Variants in CNTN5 observed in about 807,000 individuals in gnomAD.
CNTN5 encodes the protein contactin-5.
Under a neutral mutation model 129.1 loss-of-function variants are expected in CNTN5, and 77 were observed. That is an observed-to-expected ratio of 0.60 (90% CI 0.50 to 0.72). The LOEUF (loss-of-function observed/expected upper bound fraction) is 0.72. Among genes scored for constraint, CNTN5 ranks in the 30% least tolerant of loss-of-function variants. CNTN5 has a pLI of 0.00. For synonymous variants in CNTN5, 509 were observed against 465.6 expected (o/e 1.09, Z -1.20); for missense variants, 1,478 against 1,328.8 (o/e 1.11, Z -1.75).
At chr11:99,309,209 G>A (rs1227366973) in intron 1 of CNTN5, among the ~76,000 whole-genome samples, 1 of 144,904 alleles carries the variant, frequency 6.9e-6, no homozygotes. Flanking sequence ...GGGTGGTTTT[G>A]TTTTTGCTAT....
At chr11:99,706,640 C>G (rs1954767346) in intron 3 of CNTN5, among the ~76,000 whole-genome samples, 1 of 151,324 alleles carries the variant, frequency 6.6e-6, no homozygotes, top group South Asian at 2.1e-4. Flanking sequence ...AACTATTTTT[C>G]TCTCTTGGGT....
At chr11:100,120,266 T>C (rs1318325127) in intron 13 of CNTN5, among the ~76,000 whole-genome samples, 5 of 152,000 alleles carry the variant, frequency 3.3e-5, no homozygotes, top group African/African-American at 7.2e-5. Context: ...TTTATACATA[T>C]TGACAAATTG....
chr11:99,548,209 TTCTC>T (rs1948365003), intron 2 of CNTN5, among the ~76,000 whole-genome samples: 1 of 152,202 alleles, frequency 6.6e-6, no homozygotes, highest in Non-Finnish European at 1.5e-5. Flanking sequence ...AAAGAGGTAT[TTCTC>T]TCCTGTCCTT....
intron 23 of CNTN5, among the ~76,000 whole-genome samples, chr11:100,346,027 C>T (rs1033499681): frequency 5.9e-5 from 9 of 152,110 alleles, no homozygotes; most frequent in African/African-American, 9.7e-5. Flanking sequence ...GGTCAATAAA[C>T]ATGTGCCACT....
At chr11:100,006,605 G>T (rs75234082) in intron 9 of CNTN5, among the ~76,000 whole-genome samples, 3 of 152,084 alleles carry the variant, frequency 2.0e-5, no homozygotes, top group Non-Finnish European at 2.9e-5. Context: ...ACATCTTCCT[G>T]TTCCACTTCT....
At chr11:99,745,635 G>A (rs1944030388) in intron 3 of CNTN5, among the ~76,000 whole-genome samples, 1 of 152,068 alleles carries the variant, frequency 6.6e-6, no homozygotes, top group Non-Finnish European at 1.5e-5. Context: ...TTTTACTACT[G>A]TGGATCCCAA....
intron 3 of CNTN5, among the ~76,000 whole-genome samples, chr11:99,618,929 A>G (rs1950843094): frequency 6.6e-6 from 1 of 152,142 alleles, no homozygotes; most frequent in African/African-American, 2.4e-5. Flanking sequence ...TGGCTAACCC[A>G]GCCATAATGC....
intron 13 of CNTN5, among the ~76,000 whole-genome samples, chr11:100,094,778 A>AAGGAAGGG (rs1311384309): frequency 8.1e-6 from 1 of 124,146 alleles, no homozygotes; most frequent in Non-Finnish European, 1.5e-5. Flanking sequence ...GGAAGGAAGG[A>AAGGAAGGG]AGGAAGGAAG....
intron 2 of CNTN5, among the ~76,000 whole-genome samples, chr11:99,358,120 G>C (rs1215932577): frequency 1.4e-5 from 2 of 142,076 alleles, no homozygotes; most frequent in African/African-American, 2.6e-5. Context: ...ACAGAGTCTC[G>C]CTCTGTCGCC....
chr11:99,806,816 C>CAAA (rs34469797), intron 3 of CNTN5, among the ~76,000 whole-genome samples: 1,676 of 128,702 alleles, frequency 0.013, 14 homozygotes, highest in Non-Finnish European at 0.017. Context: ...CCACCCCCTG[C>CAAA]AAAAAAAAAA....
intron 2 of CNTN5, among the ~76,000 whole-genome samples, chr11:99,525,443 A>T (rs527257234): frequency 1.3e-5 from 2 of 152,348 alleles, no homozygotes; most frequent in African/African-American, 4.8e-5. Context: ...TAGATTATGA[A>T]ATATACAAGG....
intron 23 of CNTN5, among the ~76,000 whole-genome samples, chr11:100,345,462 T>C (rs1952259188): frequency 6.6e-6 from 1 of 152,046 alleles, no homozygotes; most frequent in Non-Finnish European, 1.5e-5. Context: ...ATTAAAACCA[T>C]AGCAGCATAG....
At chr11:99,952,164 C>T (rs1052608831) in intron 7 of CNTN5, among the ~76,000 whole-genome samples, 13 of 152,076 alleles carry the variant, frequency 8.5e-5, no homozygotes, top group East Asian at 5.8e-4. Flanking sequence ...AATAATTAAG[C>T]GGACAATTCT....
chr11:100,003,102 C>G lies in CNTN5; in HGVS notation c.980+966C>G, dbSNP rs375609756. On this transcript the variant is annotated intron_variant, in intron 9 of 24. Transcript: ENST00000524871. ...AGCTAAGGTAGATTTAAGGAACGAACATAGTAAACACCGTGTTTTAATATC... is the reference window on the plus strand; with the variant it reads ...AGCTAAGGTAGATTTAAGGAACGAAGATAGTAAACACCGTGTTTTAATATC... Among the ~76,000 whole-genome samples, 36 of 152,106 alleles carry G rather than the reference C, an allele frequency of 2.4e-4. No homozygotes were observed. The East Asian group carries it at 2.7e-3, about 11-fold the overall frequency.
At chr11:99,775,231 G>C (rs1036473536) in intron 3 of CNTN5, among the ~76,000 whole-genome samples, 2 of 152,044 alleles carry the variant, frequency 1.3e-5, no homozygotes, top group Admixed American at 6.6e-5. Flanking sequence ...CATTTCCAAT[G>C]ACATTGGGAA....
intron 18 of CNTN5, among the ~76,000 whole-genome samples, chr11:100,282,601 T>C (rs1217456273): frequency 1.3e-5 from 2 of 152,202 alleles, no homozygotes; most frequent in Non-Finnish European, 2.9e-5. Flanking sequence ...TGCCTATGTT[T>C]GCTCAAGGCC....
chr11:99,891,670 T>C (rs1470367137), intron 6 of CNTN5, among the ~76,000 whole-genome samples: 1 of 152,194 alleles, frequency 6.6e-6, no homozygotes, highest in Non-Finnish European at 1.5e-5. Flanking sequence ...TCATCCTTTT[T>C]TATGGCTGCG....
At chr11:100,273,231 C>A (rs111797049) in intron 18 of CNTN5, among the ~76,000 whole-genome samples, 5 of 152,228 alleles carry the variant, frequency 3.3e-5, no homozygotes, top group African/African-American at 1.2e-4. Context: ...AGCAGGGCGG[C>A]TCCTATGGCC....
chr11:99,182,369 G>T (rs1011454235), intron 1 of CNTN5, among the ~76,000 whole-genome samples: 3 of 152,162 alleles, frequency 2.0e-5, no homozygotes, highest in East Asian at 1.9e-4. Flanking sequence ...GTCATGCTCT[G>T]TAGGAATGCT....
Sources: gnomAD v4.1 joint callset for allele counts (sites outside exome capture counted in the v4.1 genomes callset) on GRCh38, gnomAD v4.1.1 for gene constraint, MANE v1.5 for transcripts, NCBI Gene and HGNC (gene_info 2026-07-23, HGNC 2026-07-21) for gene names.